The following ARHGEF25 variants were observed in gnomAD, a reference collection of about 807,000 sequenced individuals.
ARHGEF25 encodes the protein Rho guanine nucleotide exchange factor 25.
A neutral mutation model predicts 74.0 loss-of-function variants in ARHGEF25; 42 were observed. The observed-to-expected ratio is 0.57, with a 90% CI of 0.44 to 0.73. ARHGEF25 has a LOEUF of 0.73. Ranked by LOEUF, ARHGEF25 falls within the 30% of genes least tolerant of loss-of-function variation. The pLI is 0.00. For synonymous variants in ARHGEF25, 293 were observed against 278.6 expected, an observed-to-expected ratio of 1.05 and a Z score of -0.51; for missense variants, 645 against 725.5, an observed-to-expected ratio of 0.89 and a Z score of 1.27.
In ARHGEF25 at chr12:57,615,654, T is replaced by C; in HGVS notation, c.1181T>C (p.Leu394Pro). ...FEQIIIFSEA[L>P]GGGVRGGTQP... ...CAAATCATCATCTTCAGTGAAGCCC[T>C]GGGAGGAGGAGTGAGAGGTGGAACA... is the stretch of plus-strand genomic sequence containing the variant. Residue 394 changes from leucine to proline, a missense_variant, in exon 12 of 15, where the codon CTG becomes CCG. Around this residue, in one of 3 missense-constraint regions of ARHGEF25, gnomAD observed 262 missense variants for 256.9 expected, o/e 1.02. Coordinates refer to ENST00000286494, the MANE Select transcript of ARHGEF25 (RefSeq NM_182947.4). 6.2e-7 allele frequency: 1 copy of C among 1,614,026 alleles called. No homozygotes were observed. The highest frequency in any genetic ancestry group is 8.5e-7 in the Non-Finnish European group (1 of 1,179,998).
chr12:57,616,619 C>A, intron 14 of ARHGEF25, 124 bp downstream of exon 14: 1 of 1,029,758 alleles, frequency 9.7e-7, no homozygotes, highest in Non-Finnish European at 1.4e-6. Flanking sequence ...CTTCCCATCC[C>A]TTACGCTTCT....
At chr12:57,616,552 T>C in intron 14 of ARHGEF25, 57 bp downstream of exon 14, 2 of 1,530,780 alleles carry the variant, frequency 1.3e-6, no homozygotes, top group Non-Finnish European at 8.9e-7. Flanking sequence ...CCTCTCTTGT[T>C]CTGGGACCCC....
rs943984914 is a variant in ARHGEF25 at position 57,614,414 on chromosome 12, G to T, written c.726+14G>T. On this transcript the variant is annotated intron_variant, in intron 7 of 14. Coordinates refer to ENST00000286494, the MANE Select transcript of ARHGEF25 (RefSeq NM_182947.4). The surrounding 1 kb of genome is among the most constrained non-coding windows in gnomAD (Gnocchi z 4.6). ...TTCATCAAACACGTGAGGCTTGAGG[G>T]GGCAGGGCCTGGGGCGGGGCTTAGG... The T allele has an allele frequency of 1.9e-6, 3 of 1,614,002 alleles. No individual in the cohort carries two copies. Among genetic ancestry groups the T allele is most frequent in the African/African-American group, 1.3e-5 (1 of 74,908 alleles).
chr12:57,615,265 C>T lies in ARHGEF25; in HGVS notation c.989C>T (p.Pro330Leu). 1 of 1,608,310 alleles carries T rather than the reference C, an allele frequency of 6.2e-7. No homozygotes were observed. The highest frequency in any genetic ancestry group is 8.5e-7 in the Non-Finnish European group (1 of 1,177,450). Reference protein sequence around the residue: ...EQAVEVMCFVPKRCNDMMTLG... With the variant: ...EQAVEVMCFVLKRCNDMMTLG... ...GCTGTGGAGGTCATGTGCTTTGTGC[C>T]CAAGCGCTGCAACGATATGATGACG... Residue 330 changes from proline (P) to leucine (L), a missense_variant, in exon 11 of 15, where the codon CCC (proline) becomes CTC (leucine). Physicochemically the swap from Pro to Leu is moderately conservative, Grantham distance 98. This residue lies in a region of ARHGEF25 where 194 missense variants were observed against 269.4 expected (regional missense o/e 0.72). Coordinates refer to ENST00000286494, the MANE Select transcript of ARHGEF25 (RefSeq NM_182947.4).
rs776051869 is a variant in ARHGEF25, at chr12:57,616,805, G to C, written c.1654G>C (p.Ala552Pro). Residue 552 changes from alanine to proline, a missense_variant, in exon 15 of 15, where the codon GCT becomes CCT. By Grantham distance (27) the Ala-to-Pro change is conservative. Coordinates refer to ENST00000286494, the MANE Select transcript of ARHGEF25 (RefSeq NM_182947.4). ...TCAGGCCCTTGGTGACATCCCCCAG[G>C]CTCCCCATGACTCTCCTCCAGTCTC... ...DKQALGDIPQ[A>P]PHDSPPVSPT... 2 of 1,611,350 alleles carry C rather than the reference G, an allele frequency of 1.2e-6. No individual in the cohort carries two copies. Among genetic ancestry groups the C allele is most frequent in the South Asian group, 2.2e-5 (2 of 90,816 alleles).
intron 5 of ARHGEF25, 84 bp from the exon 6 acceptor site, chr12:57,613,932 C>T: frequency 6.6e-7 from 1 of 1,507,438 alleles, no homozygotes. Context: ...AGGTGGAACA[C>T]ACCCTGGATT....
intron 13 of ARHGEF25, 76 bp downstream of exon 13, chr12:57,616,093 C>T (rs1565728582): frequency 7.1e-6 from 11 of 1,539,892 alleles, no homozygotes; most frequent in South Asian, 3.7e-5. Flanking sequence ...GCCCAGTCTC[C>T]AGTACCTACC....
rs746298203 is a variant in ARHGEF25 at position 57,614,304 on chromosome 12, C to G, written c.657-27C>G. ...GTGGGGGTTGTGAAATGTATTTGAC[C>G]TGCTGCTTCTCTACCAACCCCTCCA... On this transcript the variant is annotated intron_variant, in intron 6 of 14. Coordinates refer to ENST00000286494, the MANE Select transcript of ARHGEF25 (RefSeq NM_182947.4). The surrounding 1 kb of genome is among the most constrained non-coding windows in gnomAD (Gnocchi z 4.6). 2 of 1,613,406 alleles carry G rather than the reference C, an allele frequency of 1.2e-6. No individual in the cohort carries two copies. The highest frequency in any genetic ancestry group is 2.2e-5 in the South Asian group (2 of 91,060).
At position 57,615,235 on chromosome 12, in the gene ARHGEF25, A is replaced by T; in HGVS notation, c.961-2A>T. On this transcript the variant is annotated splice_acceptor_variant, in intron 10 of 14. Transcript: ENST00000286494. LOFTEE classifies it high-confidence loss of function. The stretch of plus-strand genomic sequence containing the variant: ...AATGCGCCTCCCTCACCTGTGTCCC[A>T]GCAAGCTGTGGAGGTCATGTGCTTT... 6.3e-7 allele frequency: 1 copy of T among 1,591,900 alleles called. No homozygotes were observed. Among genetic ancestry groups the T allele is most frequent in the Non-Finnish European group, 8.5e-7 (1 of 1,170,472 alleles).
intron 10 of ARHGEF25, 83 bp downstream of exon 10, chr12:57,615,100 GT>G: frequency 6.3e-7 from 1 of 1,585,892 alleles, no homozygotes; most frequent in Non-Finnish European, 8.6e-7. Context: ...CCCTTGGGTG[GT>G]TTACAGCTGT....
intron 14 of ARHGEF25, 24 bp downstream of exon 14, chr12:57,616,519 T>C (rs761309426): frequency 1.0e-5 from 16 of 1,602,688 alleles, no homozygotes; most frequent in East Asian, 4.5e-5. Context: ...AGCTCCCTCA[T>C]TGTAGGGATA....
At position 57,611,612 on chromosome 12, in the gene ARHGEF25, G is replaced by C. The variant is rs1308033413; in HGVS notation, c.-283G>C. Reference sequence around the variant, plus strand: ...TCCCTCCCCCTTCCACTGGACATCTGGACCCTAGGCCCCCGCACCGACAGG... The same window carrying C: ...TCCCTCCCCCTTCCACTGGACATCTCGACCCTAGGCCCCCGCACCGACAGG... On this transcript the variant is annotated 5_prime_UTR_variant, in exon 1 of 15. Coordinates refer to ENST00000286494, the MANE Select transcript of ARHGEF25 (RefSeq NM_182947.4). The surrounding 1 kb of genome is among the most constrained non-coding windows in gnomAD (Gnocchi z 4.5). 1 of 1,030,264 alleles carries C rather than the reference G, an allele frequency of 9.7e-7. No homozygotes were observed. The allele number at this position is 1,030,264 out of a possible 1,614,324, so 63.8% of individuals were successfully genotyped here. A position where few individuals can be genotyped will look rare whatever the true frequency, so the allele number is the denominator to read the frequency against.
chr12:57,611,648 C>G lies in ARHGEF25; in HGVS notation c.-247C>G. ...CCCCGCACCGACAGGGTTCCGGAAA[C>G]CCTCCCCGCCCAGCCCGGCGGCCGG... On this transcript the variant is annotated 5_prime_UTR_variant, in exon 1 of 15. Coordinates refer to ENST00000286494, the MANE Select transcript of ARHGEF25 (RefSeq NM_182947.4). This position sits in a 1 kb window ranked among gnomAD's most constrained non-coding sequence, Gnocchi z 4.5. 1 of 1,080,346 alleles carries G rather than the reference C, an allele frequency of 9.3e-7. No individual in the cohort carries two copies. Among genetic ancestry groups the G allele is most frequent in the Non-Finnish European group, 1.1e-6 (1 of 891,258 alleles). 66.9% of individuals were successfully genotyped at this position (1,080,346 alleles called of 1,614,324 possible).
intron 5 of ARHGEF25, 78 bp downstream of exon 5, chr12:57,613,838 G>A: frequency 6.4e-7 from 1 of 1,558,500 alleles, no homozygotes; most frequent in Non-Finnish European, 8.8e-7. Flanking sequence ...AGGTGCCTGG[G>A]CGCTCCTCTG....
rs1952100562 is a variant in ARHGEF25 at position 57,617,135 on chromosome 12, G to A, written c.*241G>A. 1.2e-5 allele frequency: 1 copy of A among 81,538 alleles called. No homozygotes were observed. Among genetic ancestry groups the A allele is most frequent in the Non-Finnish European group, 2.2e-5 (1 of 46,384 alleles). The allele number at this position is 81,538 out of a possible 1,614,324, so 5.1% of individuals were successfully genotyped here. A position where few individuals can be genotyped will look rare whatever the true frequency, so the allele number is the denominator to read the frequency against. ...TGCATCATGGTCCCCCCAAAAGGAG[G>A]ATATGTGGGTGGGTGGGAGGGCTGG... On this transcript the variant is annotated 3_prime_UTR_variant, in exon 15 of 15. Transcript: ENST00000286494.
chr12:57,613,257 C>G lies in ARHGEF25; in HGVS notation c.313-7C>G. 2 of 1,613,862 alleles carry G rather than the reference C, an allele frequency of 1.2e-6. No homozygotes were observed. Among genetic ancestry groups the G allele is most frequent in the Non-Finnish European group, 1.7e-6 (2 of 1,179,876 alleles). ...CCGACCTCTGACACTTGATTTCTGG[C>G]CCCCAGAACTGGATGTTGGAGCCAG... On this transcript the variant is annotated splice_polypyrimidine_tract_variant and splice_region_variant and intron_variant, in intron 2 of 14. Coordinates refer to ENST00000286494, the MANE Select transcript of ARHGEF25 (RefSeq NM_182947.4).
chr12:57,611,844 T>G lies in ARHGEF25; in HGVS notation c.-51T>G, dbSNP rs1020678303. 40 of 1,162,656 alleles carry G rather than the reference T, an allele frequency of 3.4e-5. No individual in the cohort carries two copies. Among genetic ancestry groups the G allele is most frequent in the East Asian group, 1.0e-4 (3 of 29,844 alleles). 72.0% of individuals were successfully genotyped at this position (1,162,656 alleles called of 1,614,324 possible). A position where few individuals can be genotyped will look rare whatever the true frequency, so the allele number is the denominator to read the frequency against. The stretch of plus-strand genomic sequence containing the variant: ...GCCGTCCCCGCCCCGCCCCCCGTGA[T>G]TCCCCCTGCATGGCCGGCCCGGGTG... On this transcript the variant is annotated 5_prime_UTR_variant, in exon 1 of 15. Coordinates refer to ENST00000286494, the MANE Select transcript of ARHGEF25 (RefSeq NM_182947.4). This position sits in a 1 kb window ranked among gnomAD's most constrained non-coding sequence, Gnocchi z 4.5.
intron 13 of ARHGEF25, 31 bp downstream of exon 13, chr12:57,616,048 C>G (rs1884272963): frequency 1.9e-6 from 3 of 1,593,624 alleles, no homozygotes; most frequent in Non-Finnish European, 2.6e-6. Flanking sequence ...TCCCGATGTG[C>G]TCTCTCAGCC....
upstream of ARHGEF25, chr12:57,611,387 T>C (rs1884032354): frequency 2.1e-6 from 2 of 966,694 alleles, no homozygotes; most frequent in Non-Finnish European, 2.5e-6. This position sits in a 1 kb window ranked among gnomAD's most constrained non-coding sequence, Gnocchi z 4.5. Flanking sequence ...AGGGCGGAGC[T>C]GGGCCGCAGA....
Sources: allele counts gnomAD v4.1 joint callset, GRCh38; gene constraint gnomAD v4.1.1; regional missense constraint gnomAD v4.1.1; non-coding constraint Gnocchi (gnomAD v3.1); transcripts MANE v1.5; gene names NCBI Gene and HGNC (gene_info 2026-07-23, HGNC 2026-07-21).